SPOCK3: variants seen among roughly 807,000 people sequenced by gnomAD.
SPOCK3 encodes testican-3.
SPOCK3 carries 30 observed loss-of-function variants against 56.6 expected under a neutral mutation model. That is an observed-to-expected ratio of 0.53 (90% CI 0.40 to 0.72). SPOCK3 has a LOEUF of 0.72. Ranked by LOEUF, SPOCK3 falls within the 30% of genes least tolerant of loss-of-function variation. The probability of loss-of-function intolerance (pLI) is 0.00; values close to 1 mark genes in which losing one functional copy is unlikely to be tolerated. For missense variants in SPOCK3, 527 were observed against 530.0 expected, an observed-to-expected ratio of 0.99 and a Z score of 0.06; for synonymous variants, 196 against 183.3, an observed-to-expected ratio of 1.07 and a Z score of -0.56.
intron 4 of SPOCK3, among the ~76,000 whole-genome samples, chr4:166,921,614 C>T (rs572546133): frequency 9.2e-5 from 14 of 152,272 alleles, no homozygotes; most frequent in Non-Finnish European, 1.5e-4. Flanking sequence ...CTGCACCCAG[C>T]CCGTGTTGAC....
chr4:167,114,747 T>C (rs2150352878), intron 2 of SPOCK3, among the ~76,000 whole-genome samples: 1 of 152,220 alleles, frequency 6.6e-6, no homozygotes, highest in African/African-American at 2.4e-5. Flanking sequence ...CCAGGTCTTT[T>C]GGGTACTAAA....
chr4:166,765,418 T>G (rs948995082), intron 7 of SPOCK3, among the ~76,000 whole-genome samples: 18 of 152,226 alleles, frequency 1.2e-4, no homozygotes, highest in Non-Finnish European at 2.4e-4. Flanking sequence ...TAGCCAGTTT[T>G]CCCAGCACCA....
chr4:166,942,040 A>G (rs561275896), intron 4 of SPOCK3, among the ~76,000 whole-genome samples: 1 of 152,308 alleles, frequency 6.6e-6, no homozygotes, highest in Admixed American at 6.5e-5. Context: ...GAAATAAAAA[A>G]AACTGTTATA....
chr4:166,979,904 A>G (rs1000316257), intron 4 of SPOCK3, among the ~76,000 whole-genome samples: 9 of 152,176 alleles, frequency 5.9e-5, no homozygotes, highest in African/African-American at 2.2e-4. Flanking sequence ...TAAATTTAAC[A>G]TGTTCAAAAT....
intron 6 of SPOCK3, among the ~76,000 whole-genome samples, chr4:166,848,921 G>A (rs1197226464): frequency 6.6e-6 from 1 of 152,150 alleles, no homozygotes; most frequent in African/African-American, 2.4e-5. Flanking sequence ...TGTAAACTAT[G>A]TCGTTGATTG....
intron 4 of SPOCK3, among the ~76,000 whole-genome samples, chr4:166,987,782 GA>G (rs1300044277): frequency 4.6e-5 from 7 of 152,158 alleles, no homozygotes; most frequent in African/African-American, 1.7e-4. Flanking sequence ...TCTATTTACA[GA>G]AGGACTACAT....
At chr4:167,039,226 T>G (rs2150197344) in intron 3 of SPOCK3, among the ~76,000 whole-genome samples, 1 of 152,346 alleles carries the variant, frequency 6.6e-6, no homozygotes, top group African/African-American at 2.4e-5. Flanking sequence ...TCTCCTTTTC[T>G]TAGAAAGACG....
At chr4:167,094,983 C>T (rs1448055692) in intron 2 of SPOCK3, among the ~76,000 whole-genome samples, 1 of 151,944 alleles carries the variant, frequency 6.6e-6, no homozygotes, top group Non-Finnish European at 1.5e-5. Flanking sequence ...CAGTCTGAAT[C>T]CAAGTTTGAA....
intron 8 of SPOCK3, among the ~76,000 whole-genome samples, chr4:166,744,306 G>C (rs952332747): frequency 6.6e-6 from 1 of 152,164 alleles, no homozygotes; most frequent in Non-Finnish European, 1.5e-5. Context: ...AATATTTACT[G>C]TTCTGCAGTC....
chr4:167,203,581 A>C (rs1221840933), intron 2 of SPOCK3, among the ~76,000 whole-genome samples: 2 of 151,906 alleles, frequency 1.3e-5, no homozygotes, highest in Admixed American at 1.3e-4. Flanking sequence ...ACAGAAAAGA[A>C]AGGTAAAGCA....
intron 2 of SPOCK3, among the ~76,000 whole-genome samples, chr4:167,086,364 T>C (rs540844148): frequency 6.6e-6 from 1 of 152,052 alleles, no homozygotes; most frequent in African/African-American, 2.4e-5. Flanking sequence ...TAACGATCAA[T>C]AGCTCAAACA....
intron 4 of SPOCK3, among the ~76,000 whole-genome samples, chr4:166,947,183 G>T (rs1452461274): frequency 1.3e-5 from 2 of 151,744 alleles, no homozygotes; most frequent in East Asian, 1.9e-4. Context: ...CTATTACTTT[G>T]CATTATCTCT....
intron 4 of SPOCK3, among the ~76,000 whole-genome samples, chr4:166,950,376 G>C (rs1742404839): frequency 6.6e-6 from 1 of 151,366 alleles, no homozygotes; most frequent in Non-Finnish European, 1.5e-5. Flanking sequence ...AATTCAACAA[G>C]AAGAGCTAAC....
chr4:166,888,505 T>A (rs1233222630), intron 6 of SPOCK3, among the ~76,000 whole-genome samples: 1 of 152,038 alleles, frequency 6.6e-6, no homozygotes, highest in African/African-American at 2.4e-5. Flanking sequence ...TCAAATATAA[T>A]AATGATACCA....
intron 2 of SPOCK3, among the ~76,000 whole-genome samples, chr4:167,201,578 T>C (rs988441783): frequency 6.6e-6 from 1 of 152,018 alleles, no homozygotes; most frequent in African/African-American, 2.4e-5. Context: ...AAAATGCTTG[T>C]ATAAATTTAT....
At chr4:167,163,166 ATTTTTT>A (rs560014140) in intron 2 of SPOCK3, among the ~76,000 whole-genome samples, 1 of 127,880 alleles carries the variant, frequency 7.8e-6, no homozygotes, top group Admixed American at 7.9e-5. Context: ...TTGTTGGGGG[ATTTTTT>A]TTTTTTTTTT....
chr4:167,003,541 C>T (rs1034191926), intron 3 of SPOCK3, among the ~76,000 whole-genome samples: 59 of 152,146 alleles, frequency 3.9e-4, no homozygotes, highest in African/African-American at 1.1e-3. Flanking sequence ...CAATCCTCTG[C>T]CTTAAAGGGA....
chr4:166,932,707 T>A (rs1739929609), intron 4 of SPOCK3, among the ~76,000 whole-genome samples: 1 of 152,168 alleles, frequency 6.6e-6, no homozygotes, highest in African/African-American at 2.4e-5. Flanking sequence ...CTCATGAGAA[T>A]GTAGTCTCTT....
intron 4 of SPOCK3, among the ~76,000 whole-genome samples, chr4:166,941,974 C>T (rs1010760051): frequency 7.9e-5 from 12 of 152,108 alleles, no homozygotes; most frequent in African/African-American, 2.7e-4. Context: ...CTCATAGAAA[C>T]TGAGATGAGT....
Sources: gnomAD v4.1 joint callset for allele counts (sites outside exome capture counted in the v4.1 genomes callset) on GRCh38, gnomAD v4.1.1 for gene constraint, MANE v1.5 for transcripts, NCBI Gene and HGNC (gene_info 2026-07-23, HGNC 2026-07-21) for gene names.